Variants in TRIOBP observed in about 807,000 individuals in gnomAD.
TRIOBP encodes TRIO and F-actin-binding protein.
Under a neutral mutation model 238.8 loss-of-function variants are expected in TRIOBP, and 169 were observed. That is an observed-to-expected ratio of 0.71 (90% confidence interval 0.62 to 0.80). The LOEUF is 0.80. TRIOBP is among the 30% of genes least tolerant of loss of function. TRIOBP has a pLI of 0.00. For missense variants in TRIOBP, 2,838 were observed against 3,122.6 expected (o/e 0.91, Z 2.17); for synonymous variants, 1,150 against 1,274.4 (o/e 0.90, Z 2.08).
Position 37,774,956 on chromosome 22 carries a change from C to T in TRIOBP, c.*1176C>T, listed in dbSNP as rs1244196339. On this transcript the variant is annotated 3_prime_UTR_variant, in exon 24 of 24. Transcript: ENST00000644935. ...CAAATGGGTGTTTTTCTTTCAGTCC[C>T]AGTCCTCTCCTGAGGCTTTTCCCAG... is the stretch of plus-strand genomic sequence containing the variant. 6.6e-6 allele frequency: 1 copy of T among 152,334 alleles called. No individual in the cohort carries two copies. Among genetic ancestry groups the T allele is most frequent in the Non-Finnish European group, 1.5e-5 (1 of 68,154 alleles). 9.4% of individuals were successfully genotyped at this position (152,334 alleles called of 1,614,324 possible). A position where few individuals can be genotyped will look rare whatever the true frequency, so the allele number is the denominator to read the frequency against.
At chr22:37,759,355 T>C in intron 17 of TRIOBP, 91 bp downstream of exon 17, 1 of 1,375,686 alleles carries the variant, frequency 7.3e-7, no homozygotes, top group Non-Finnish European at 1.0e-6. Context: ...GAGCCCTTCC[T>C]GTGTGTGCTG....
intron 11 of TRIOBP, chr22:37,750,857 C>T (rs1184386765): frequency 9.6e-6 from 4 of 415,320 alleles, no homozygotes; most frequent in Admixed American, 5.1e-5. Flanking sequence ...AGCCATGCCA[C>T]CCGTTCTCTG....
chr22:37,720,617 A>G (rs1168934548), intron 6 of TRIOBP, among the ~76,000 whole-genome samples: 2 of 152,218 alleles, frequency 1.3e-5, no homozygotes, highest in Middle Eastern at 3.2e-3. Flanking sequence ...CAGGAGAGAA[A>G]TAGTGGTGGC....
In TRIOBP at chr22:37,723,773, G is replaced by A. The variant is rs1211553170; in HGVS notation, c.1217G>A (p.Cys406Tyr). ...TTQRENSRTS[C>Y]AQRDNPKASR... is the part of the protein sequence containing the mutation. ...CAACGAGAGAATTCCAGAACATCCT[G>A]TGCCCAGCGGGACAATCCCAAAGCC... The change falls in exon 7 of 24, where the codon TGT becomes TAT. Residue 406 changes from cysteine to tyrosine, a missense_variant. Coordinates refer to ENST00000644935, the MANE Select transcript of TRIOBP (RefSeq NM_001039141.3). 3 of 1,596,812 alleles carry A rather than the reference G, an allele frequency of 1.9e-6. No homozygotes were observed. In the African/African-American group the frequency reaches 4.0e-5, roughly 21 times the overall value.
chr22:37,765,655 G>A lies in TRIOBP; in HGVS notation c.6325-15G>A, dbSNP rs1926450738. 1.3e-6 allele frequency: 2 copies of A among 1,549,048 alleles called. No homozygotes were observed. Among genetic ancestry groups the A allele is most frequent in the Non-Finnish European group, 1.7e-6 (2 of 1,146,876 alleles). On this transcript the variant is annotated splice_polypyrimidine_tract_variant and intron_variant, in intron 17 of 23. Coordinates refer to ENST00000644935, the MANE Select transcript of TRIOBP (RefSeq NM_001039141.3). Reference sequence around the variant, plus strand: ...GAACGGGGCAGCCTGTGACACCCTGGCGTCCGGCCCACAGGAGGCATGTGA... The same window carrying A: ...GAACGGGGCAGCCTGTGACACCCTGACGTCCGGCCCACAGGAGGCATGTGA...
intron 18 of TRIOBP, among the ~76,000 whole-genome samples, chr22:37,767,416 G>A (rs1003938863): frequency 1.3e-5 from 2 of 152,104 alleles, no homozygotes; most frequent in Non-Finnish European, 2.9e-5. Flanking sequence ...AAAAAGCCTC[G>A]GTCTCAGTCC....
At chr22:37,714,304 G>A (rs1015691149) in intron 5 of TRIOBP, among the ~76,000 whole-genome samples, 2 of 152,190 alleles carry the variant, frequency 1.3e-5, no homozygotes, top group Non-Finnish European at 2.9e-5. Context: ...TTGAAGATGA[G>A]CGACTTGGCA....
intron 11 of TRIOBP, among the ~76,000 whole-genome samples, chr22:37,742,990 C>G (rs1208863327): frequency 2.6e-5 from 4 of 152,226 alleles, no homozygotes; most frequent in African/African-American, 9.6e-5. Context: ...AGACCCTGCT[C>G]TGGCTGACCT....
At chr22:37,755,528 T>C in intron 14 of TRIOBP, 22 bp from the exon 15 acceptor site, 1 of 1,608,812 alleles carries the variant, frequency 6.2e-7, no homozygotes, top group Non-Finnish European at 8.5e-7. Context: ...TGTGGCAACC[T>C]ACCCATGCGG....
chr22:37,746,553 A>G (rs1925282715), intron 11 of TRIOBP: 1 of 817,702 alleles, frequency 1.2e-6, no homozygotes, highest in Non-Finnish European at 1.6e-6. Flanking sequence ...GGGCCGGAAG[A>G]CGGGGCCACC....
Position 37,726,108 on chromosome 22 carries a change from A to G in TRIOBP, c.3552A>G (p.Pro1184=). The G allele has an allele frequency of 6.4e-7, 1 of 1,552,676 alleles. No individual in the cohort carries two copies. Among genetic ancestry groups the G allele is most frequent in the Non-Finnish European group, 8.7e-7 (1 of 1,144,616 alleles). The change falls in exon 7 of 24, where the codon CCA becomes CCG. Residue 1184 remains proline (P), a synonymous_variant. Transcript: ENST00000644935. ...CCCCACCACGCCAGGCTCCTGAGCC[A>G]TCCCTCTTCTTCCAGGATCCCCCTG... ...FSSPPRQAPE[P]SLFFQDPPGT...
intron 5 of TRIOBP, 76 bp from the exon 6 acceptor site, chr22:37,715,687 C>G: frequency 6.6e-7 from 1 of 1,523,124 alleles, no homozygotes; most frequent in Non-Finnish European, 8.9e-7. Flanking sequence ...TCCTTCTGCC[C>G]CTCTCATTTG....
chr22:37,710,396 G>A (rs202212712), intron 3 of TRIOBP, 31 bp from the exon 4 acceptor site: 194 of 1,612,092 alleles, frequency 1.2e-4, no homozygotes, highest in Non-Finnish European at 1.3e-4. Flanking sequence ...CGTGGGCGCT[G>A]AGCTGTCTCC....
At chr22:37,761,384 G>A (rs1249120896) in intron 17 of TRIOBP, among the ~76,000 whole-genome samples, 1 of 152,148 alleles carries the variant, frequency 6.6e-6, no homozygotes, top group Non-Finnish European at 1.5e-5. Flanking sequence ...AACCCGGGAG[G>A]CAGAGGTTGC....
intron 17 of TRIOBP, among the ~76,000 whole-genome samples, chr22:37,763,309 C>G (rs5995495): frequency 0.14 from 21,726 of 152,232 alleles, 3,976 homozygotes; most frequent in African/African-American, 0.42. Context: ...GGGGTTTGTT[C>G]AGGTTCACTC....
intron 11 of TRIOBP, among the ~76,000 whole-genome samples, chr22:37,743,515 G>C (rs752798356): frequency 6.6e-6 from 1 of 152,188 alleles, no homozygotes; most frequent in Non-Finnish European, 1.5e-5. Flanking sequence ...CCGTGCTTAC[G>C]GAGGATGTGC....
rs73409450 is a variant in TRIOBP, at chr22:37,701,731, T to A, written c.114+252T>A. On this transcript the variant is annotated intron_variant, in intron 3 of 23. Transcript: ENST00000644935. ...TCTAATCTGTTACTTACTTTGTTAT[T>A]CTTTAAATCAACATCTTTTTCCCCT... Among the ~76,000 whole-genome samples, 8,964 of 152,334 alleles carry A rather than the reference T, an allele frequency of 0.059. 344 individuals are homozygous for A. The highest frequency in any genetic ancestry group is 0.1 in the South Asian group (490 of 4,830).
intron 7 of TRIOBP, 31 bp from the exon 8 acceptor site, chr22:37,733,267 C>G (rs752124869): frequency 6.7e-7 from 1 of 1,499,406 alleles, no homozygotes; most frequent in African/African-American, 1.4e-5. Flanking sequence ...GTGGGACAGT[C>G]CCTCAGAGGA....
intron 6 of TRIOBP, among the ~76,000 whole-genome samples, chr22:37,719,938 A>G (rs1478596303): frequency 1.4e-5 from 2 of 143,152 alleles, no homozygotes; most frequent in African/African-American, 5.5e-5. Context: ...CCAGCCCTCT[A>G]CTGCGTTAAT....
Sources: allele counts gnomAD v4.1 joint callset (sites outside exome capture counted in the v4.1 genomes callset), GRCh38; gene constraint gnomAD v4.1.1; transcripts MANE v1.5; gene names NCBI Gene and HGNC (gene_info 2026-07-23, HGNC 2026-07-21).